Variants in ANKRD11 observed in about 807,000 individuals in gnomAD.
ANKRD11 encodes ankyrin repeat domain 11.
ANKRD11 carries 17 observed loss-of-function variants against 195.7 expected under a neutral mutation model. The observed-to-expected ratio is 0.09, with a 90% CI of 0.06 to 0.13. The LOEUF (loss-of-function observed/expected upper bound fraction) is 0.13, where lower values mean the gene tolerates loss of function less well. Among genes scored for constraint, ANKRD11 ranks in the 10% least tolerant of loss-of-function variants. ANKRD11 has a pLI of 1.00. For synonymous variants in ANKRD11, 1,953 were observed against 1,528.1 expected (o/e 1.28, Z -6.49); for missense variants, 3,735 against 3,566.1 (o/e 1.05, Z -1.21).
chr16:89,275,222 G>C, intron 9 of ANKRD11, 31 bp from the exon 10 acceptor site: 1 of 1,567,924 alleles, frequency 6.4e-7, no homozygotes, highest in Non-Finnish European at 8.7e-7. Flanking sequence ...TGGGGGGTCA[G>C]CTGGGGCTGT....
intron 2 of ANKRD11, among the ~76,000 whole-genome samples, chr16:89,409,933 G>A (rs572912015): frequency 3.3e-5 from 5 of 152,106 alleles, no homozygotes; most frequent in East Asian, 3.9e-4. Flanking sequence ...TCCGCCTCCC[G>A]GGTTCACGCC....
At chr16:89,427,509 G>A (rs1000492787) in intron 1 of ANKRD11, among the ~76,000 whole-genome samples, 1 of 152,220 alleles carries the variant, frequency 6.6e-6, no homozygotes, top group Non-Finnish European at 1.5e-5. Flanking sequence ...TAATTAAAAT[G>A]TCTAGGGGCC....
intron 3 of ANKRD11, among the ~76,000 whole-genome samples, chr16:89,311,351 TTA>T (rs1194794338): frequency 6.6e-6 from 1 of 152,262 alleles, no homozygotes; most frequent in African/African-American, 2.4e-5. Context: ...TGTAGTTTTC[TTA>T]TCCTGTAGTA....
chr16:89,452,455 C>T (rs561852236), intron 1 of ANKRD11, among the ~76,000 whole-genome samples: 6 of 152,086 alleles, frequency 3.9e-5, no homozygotes, highest in Non-Finnish European at 7.4e-5. Flanking sequence ...ACTAGTAACA[C>T]CTTTCTGTTA....
chr16:89,393,169 T>C (rs1457941625), intron 2 of ANKRD11, among the ~76,000 whole-genome samples: 1 of 152,136 alleles, frequency 6.6e-6, no homozygotes, highest in Non-Finnish European at 1.5e-5. Flanking sequence ...TGGCACCTTC[T>C]TGCTACATCA....
chr16:89,410,945 T>C (rs1409642694), intron 2 of ANKRD11, among the ~76,000 whole-genome samples: 1 of 152,250 alleles, frequency 6.6e-6, no homozygotes, highest in Non-Finnish European at 1.5e-5. Context: ...CAGCTCCTGC[T>C]GCCAAAGTCA....
In ANKRD11 at chr16:89,410,511, G is replaced by A. The variant is rs114114577; in HGVS notation, c.-60+7773C>T. 6.6e-3 allele frequency among the ~76,000 whole-genome samples: 1,004 copies of A among 152,218 alleles called. 17 individuals are homozygous for A. The highest frequency in any genetic ancestry group is 0.023 in the African/African-American group (955 of 41,530). On this transcript the variant is annotated intron_variant, in intron 2 of 12. Transcript: ENST00000301030. ...GCTGTCAGGAACCACGCAGAGCCACGGAAGGGAAACACCTGCCCCCGGGCT... is the reference window on the plus strand; with the variant it reads ...GCTGTCAGGAACCACGCAGAGCCACAGAAGGGAAACACCTGCCCCCGGGCT...
In ANKRD11 at chr16:89,279,842, C is replaced by G. The variant is rs771524336; in HGVS notation, c.6700G>C (p.Asp2234His). 1.3e-6 allele frequency: 2 copies of G among 1,549,134 alleles called. No individual in the cohort carries two copies. The highest frequency in any genetic ancestry group is 2.4e-5 in the South Asian group (2 of 84,666). Residue 2234 changes from aspartate (D) to histidine (H), a missense_variant, in exon 9 of 13, where the codon GAT (aspartate) becomes CAT (histidine). Asp to His is a moderately conservative substitution (Grantham distance 81). Coordinates refer to ENST00000301030, the MANE Select transcript of ANKRD11 (RefSeq NM_013275.6). The surrounding 1 kb of genome is among the most constrained non-coding windows in gnomAD (Gnocchi z 5.6). ...ETVPEERARG[D>H]PDSSVEPAPV... Reference sequence around the variant, plus strand: ...GCGGGCTCCACGCTGGAGTCCGGATCCCCACGGGCCCTCTCTTCCGGCACC... The same window carrying G: ...GCGGGCTCCACGCTGGAGTCCGGATGCCCACGGGCCCTCTCTTCCGGCACC...
chr16:89,401,388 C>G (rs1206022208), intron 2 of ANKRD11, among the ~76,000 whole-genome samples: 1 of 152,114 alleles, frequency 6.6e-6, no homozygotes, highest in African/African-American at 2.4e-5. Flanking sequence ...AAATTTCTCT[C>G]TTGATTATGC....
At chr16:89,396,253 C>T (rs1041932609) in intron 2 of ANKRD11, among the ~76,000 whole-genome samples, 2 of 152,194 alleles carry the variant, frequency 1.3e-5, no homozygotes, top group Non-Finnish European at 2.9e-5. Context: ...AGTGGATCCA[C>T]GTCGGGAGAT....
chr16:89,469,621 A>G (rs1333922551), intron 1 of ANKRD11, among the ~76,000 whole-genome samples: 2 of 150,970 alleles, frequency 1.3e-5, no homozygotes, highest in Non-Finnish European at 3.0e-5. Context: ...AAAGTAGGCC[A>G]GGCGCGGTGG....
chr16:89,312,608 G>C (rs2036670910), intron 3 of ANKRD11, among the ~76,000 whole-genome samples: 1 of 150,168 alleles, frequency 6.7e-6, no homozygotes, highest in African/African-American at 2.5e-5. Context: ...TTAGTGAAAA[G>C]ATGGACAGAA....
chr16:89,402,637 G>A (rs575027815), intron 2 of ANKRD11, among the ~76,000 whole-genome samples: 2 of 149,978 alleles, frequency 1.3e-5, no homozygotes, highest in African/African-American at 2.5e-5. Context: ...AGCTGTGGGT[G>A]GGGGGGGCAG....
intron 2 of ANKRD11, among the ~76,000 whole-genome samples, chr16:89,365,899 C>A (rs890757285): frequency 4.0e-5 from 6 of 151,454 alleles, no homozygotes; most frequent in Admixed American, 3.3e-4. Flanking sequence ...GTCTGCTGGT[C>A]CCTCTCTGTG....
At chr16:89,449,748 G>A (rs1054212918) in intron 1 of ANKRD11, among the ~76,000 whole-genome samples, 2 of 152,122 alleles carry the variant, frequency 1.3e-5, no homozygotes, top group East Asian at 1.9e-4. Context: ...AGCCGAGATT[G>A]TGTCACTGCA....
At chr16:89,452,483 G>A (rs548007236) in intron 1 of ANKRD11, among the ~76,000 whole-genome samples, 1 of 152,134 alleles carries the variant, frequency 6.6e-6, no homozygotes, top group South Asian at 2.1e-4. Flanking sequence ...CAGCGGGTGA[G>A]GACACAGCTG....
At chr16:89,322,907 G>C (rs541187271) in intron 2 of ANKRD11, among the ~76,000 whole-genome samples, 35 of 152,352 alleles carry the variant, frequency 2.3e-4, no homozygotes, top group Non-Finnish European at 3.7e-4. Flanking sequence ...GCAGCGGTGT[G>C]ATCACAGCTC....
Position 89,280,428 on chromosome 16 carries a change from C to T in ANKRD11, c.6114G>A (p.Lys2038=). The change falls in exon 9 of 13, where the codon AAG becomes AAA. Residue 2038 remains lysine, a synonymous_variant. Coordinates refer to ENST00000301030, the MANE Select transcript of ANKRD11 (RefSeq NM_013275.6). ...PVAEPGLEDV[K]DGVDAVPAAI... is the part of the protein sequence containing the mutation. ...CGGCGGGGACGGCGTCCACTCCGTCCTTGACGTCCTCCAGCCCCGGCTCAG... is the reference window on the plus strand; with the variant it reads ...CGGCGGGGACGGCGTCCACTCCGTCTTTGACGTCCTCCAGCCCCGGCTCAG... 1.3e-5 allele frequency: 21 copies of T among 1,578,520 alleles called. No homozygotes were observed. The highest frequency in any genetic ancestry group is 1.7e-5 in the Non-Finnish European group (20 of 1,161,522).
At chr16:89,377,156 C>A (rs1328021627) in intron 2 of ANKRD11, among the ~76,000 whole-genome samples, 1 of 152,172 alleles carries the variant, frequency 6.6e-6, no homozygotes. Flanking sequence ...GAGGCGTCAA[C>A]GTGGTCTTCC....
Sources: gnomAD v4.1 joint callset for allele counts (sites outside exome capture counted in the v4.1 genomes callset) on GRCh38, gnomAD v4.1.1 for gene constraint, Gnocchi (gnomAD v3.1) non-coding constraint, MANE v1.5 for transcripts, NCBI Gene and HGNC (gene_info 2026-07-23, HGNC 2026-07-21) for gene names.